The following CYTH1 variants were observed in gnomAD, a reference collection of about 807,000 sequenced individuals.
CYTH1 encodes the protein cytohesin 1, also known as cytohesin-1.
A neutral mutation model predicts 61.8 loss-of-function variants in CYTH1; 18 were observed. The ratio of observed to expected loss-of-function variants is 0.29; its 90% confidence interval spans 0.20 to 0.43. The LOEUF is 0.43. CYTH1 is among the 20% of genes least tolerant of loss of function. CYTH1 has a pLI of 1.00. For synonymous variants in CYTH1, 174 were observed against 184.3 expected (o/e 0.94, Z 0.45); for missense variants, 336 against 510.5 (o/e 0.66, Z 3.29).
At chr17:78,744,264 T>C (rs2093351780) in intron 1 of CYTH1, among the ~76,000 whole-genome samples, 1 of 152,216 alleles carries the variant, frequency 6.6e-6, no homozygotes, top group African/African-American at 2.4e-5. Context: ...CTGCCAACAA[T>C]GAACACTTTC....
intron 1 of CYTH1, among the ~76,000 whole-genome samples, chr17:78,762,937 TA>T (rs1437922061): frequency 6.6e-6 from 1 of 152,192 alleles, no homozygotes; most frequent in Admixed American, 6.5e-5. Context: ...TGTAAGATAA[TA>T]ATGTATATTG....
At chr17:78,735,906 T>G (rs2093318101) in intron 1 of CYTH1, among the ~76,000 whole-genome samples, 1 of 152,200 alleles carries the variant, frequency 6.6e-6, no homozygotes, top group Non-Finnish European at 1.5e-5. Context: ...ACAACTCCTG[T>G]GTTGACCCAG....
chr17:78,687,199 A>C (rs1183902651), intron 11 of CYTH1, among the ~76,000 whole-genome samples: 2 of 151,980 alleles, frequency 1.3e-5, no homozygotes, highest in African/African-American at 4.8e-5. Context: ...GTTTTCCTGC[A>C]ACTAGATAGT....
chr17:78,696,872 A>C (rs2092944241), intron 9 of CYTH1: 1 of 152,216 alleles, frequency 6.6e-6, no homozygotes, highest in African/African-American at 2.4e-5. Flanking sequence ...AAACGTTTCC[A>C]GTAGGTTTCC....
intron 3 of CYTH1, among the ~76,000 whole-genome samples, chr17:78,707,004 A>G (rs762356261): frequency 2.0e-5 from 3 of 152,158 alleles, no homozygotes; most frequent in Non-Finnish European, 4.4e-5. Context: ...AATAGTTTTT[A>G]ATAGTTTTAT....
intron 1 of CYTH1, among the ~76,000 whole-genome samples, chr17:78,773,645 T>A (rs966388388): frequency 5.3e-5 from 8 of 149,946 alleles, no homozygotes; most frequent in African/African-American, 7.4e-5. Context: ...AAAAAAAAAA[T>A]TAAATTAAAT....
chr17:78,718,218 T>TACACACACACACACACACACACAC (rs55803104), intron 1 of CYTH1, among the ~76,000 whole-genome samples: 6 of 128,394 alleles, frequency 4.7e-5, no homozygotes, highest in East Asian at 2.4e-4. Flanking sequence ...AAACACTGAA[T>TACACACACACACACACACACACAC]ACACACACAC....
At chr17:78,746,583 A>G (rs1175181946) in intron 1 of CYTH1, among the ~76,000 whole-genome samples, 1 of 152,030 alleles carries the variant, frequency 6.6e-6, no homozygotes, top group East Asian at 1.9e-4. Flanking sequence ...AGAGCCTAAC[A>G]CTTTTAGAAT....
chr17:78,689,747 A>G (rs1453037734), intron 11 of CYTH1, among the ~76,000 whole-genome samples: 1 of 152,200 alleles, frequency 6.6e-6, no homozygotes, highest in Non-Finnish European at 1.5e-5. Context: ...ACTTATGTCT[A>G]TAACGGCTGC....
intron 13 of CYTH1, 30 bp downstream of exon 13, chr17:78,680,160 G>T (rs756927294): frequency 1.9e-6 from 3 of 1,612,802 alleles, no homozygotes; most frequent in Non-Finnish European, 2.5e-6. Context: ...TGCACCAGGC[G>T]CGCACTGCCC....
rs1398297659 is a variant in CYTH1 at position 78,715,151 on chromosome 17, A to G, written c.23-5419T>C. Among the ~76,000 whole-genome samples, 4 of 152,208 alleles carry G rather than the reference A, an allele frequency of 2.6e-5. No individual in the cohort carries two copies. The South Asian group carries it at 6.2e-4, about 24-fold the overall frequency. ...AAATTCAGAAGTTCCAGGAATAAAG[A>G]CGATCCTAAAACCTCCACAGAGGTT... On this transcript the variant is annotated intron_variant, in intron 1 of 13. Coordinates refer to ENST00000446868, the MANE Select transcript of CYTH1 (RefSeq NM_004762.6).
chr17:78,723,861 C>T (rs1049339812), intron 1 of CYTH1: 4 of 152,358 alleles, frequency 2.6e-5, no homozygotes, highest in South Asian at 2.1e-4. Context: ...TCCACTGCCC[C>T]GCATCAGGTC....
intron 11 of CYTH1, among the ~76,000 whole-genome samples, chr17:78,685,056 G>A (rs545461212): frequency 6.6e-5 from 10 of 151,934 alleles, no homozygotes; most frequent in Admixed American, 1.3e-4. Flanking sequence ...AAAATTAGCC[G>A]CATGTGGTGG....
chr17:78,774,704 T>C (rs1468081191), intron 1 of CYTH1, among the ~76,000 whole-genome samples: 1 of 152,092 alleles, frequency 6.6e-6, no homozygotes, highest in Non-Finnish European at 1.5e-5. Context: ...ACCTTATTTT[T>C]CTTGTTGAAT....
At chr17:78,752,511 C>G (rs1235268500) in intron 1 of CYTH1, among the ~76,000 whole-genome samples, 3 of 152,188 alleles carry the variant, frequency 2.0e-5, no homozygotes, top group Non-Finnish European at 4.4e-5. Flanking sequence ...CAGCTCACCA[C>G]AACCTCCGTC....
chr17:78,735,007 G>A (rs2093314097), intron 1 of CYTH1, among the ~76,000 whole-genome samples: 1 of 152,070 alleles, frequency 6.6e-6, no homozygotes, highest in Non-Finnish European at 1.5e-5. Context: ...TGTCTCTCAC[G>A]GCAATGTCTA....
intron 1 of CYTH1, among the ~76,000 whole-genome samples, chr17:78,720,483 T>A (rs919555121): frequency 6.6e-6 from 1 of 152,240 alleles, no homozygotes; most frequent in Non-Finnish European, 1.5e-5. Context: ...CACGCCCAGC[T>A]AATTTTTGTA....
intron 11 of CYTH1, among the ~76,000 whole-genome samples, chr17:78,690,554 G>C (rs973582548): frequency 6.6e-6 from 1 of 151,778 alleles, no homozygotes; most frequent in African/African-American, 2.4e-5. Context: ...AAAAAAAACG[G>C]ATGTGGTGGC....
chr17:78,723,728 C>T, intron 1 of CYTH1: 1 of 152,334 alleles, frequency 6.6e-6, no homozygotes, highest in Non-Finnish European at 1.5e-5. Flanking sequence ...AAGCCTAATG[C>T]CTGCTTTCAC....
Sources: allele counts gnomAD v4.1 joint callset (sites outside exome capture counted in the v4.1 genomes callset), GRCh38; gene constraint gnomAD v4.1.1; transcripts MANE v1.5; gene names NCBI Gene and HGNC (gene_info 2026-07-23, HGNC 2026-07-21).